The following DDX47 variants were observed in gnomAD, a reference collection of about 807,000 sequenced individuals.
The protein encoded by DDX47 is DEAD-box helicase 47.
Under a neutral mutation model 58.8 loss-of-function variants are expected in DDX47, and 60 were observed. The observed-to-expected ratio is 1.02, with a 90% CI of 0.83 to 1.26. DDX47 has a LOEUF of 1.26. Among genes scored for constraint, DDX47 ranks in the 50% most tolerant of loss-of-function variants. DDX47 has a pLI of 0.00. For missense variants in DDX47, 530 were observed against 573.2 expected, an observed-to-expected ratio of 0.92 and a Z score of 0.77; for synonymous variants, 197 against 204.6, an observed-to-expected ratio of 0.96 and a Z score of 0.32.
Position 12,829,439 on chromosome 12 carries a change from G to T in DDX47, c.1253G>T (p.Gly418Val). The stretch of plus-strand genomic sequence containing the variant: ...TTCTTGCAGGAGTTAAGGGAGCATG[G>T]AGAAAAGAAGAAACGCTCGCGAGAG... The part of the protein sequence containing the change: ...RFARMELREH[G>V]EKKKRSREDA... Residue 418 changes from glycine to valine, a missense_variant, in exon 12 of 12, where the codon GGA (glycine) becomes GTA (valine). Gly to Val is a moderately radical substitution (Grantham distance 109, BLOSUM62 -3). Coordinates refer to ENST00000358007, the MANE Select transcript of DDX47 (RefSeq NM_016355.4). The T allele has an allele frequency of 6.2e-7, 1 of 1,612,360 alleles. No homozygotes were observed. Among genetic ancestry groups the T allele is most frequent in the Non-Finnish European group, 8.5e-7 (1 of 1,179,390 alleles).
At chr12:12,823,123 G>T (rs1807649554) in intron 6 of DDX47, 80 bp from the exon 7 acceptor site, 1 of 900,566 alleles carries the variant, frequency 1.1e-6, no homozygotes, top group Admixed American at 1.8e-5. Flanking sequence ...TGAGATTTGG[G>T]TGAGGACACA....
intron 7 of DDX47, 175 bp downstream of exon 7, chr12:12,823,494 TTCACAACACATTAA>T: frequency 1.7e-6 from 1 of 600,948 alleles, no homozygotes; most frequent in Non-Finnish European, 3.0e-6. Flanking sequence ...ATGCCAGGAA[TTCACAACACATTAA>T]ATCACAATAC....
chr12:12,813,440 A>G lies in DDX47; in HGVS notation c.73A>G (p.Thr25Ala). The change falls in exon 1 of 12, where the codon ACA becomes GCA. Residue 25 changes from threonine to alanine, a missense_variant. Physicochemically the swap from Thr to Ala is moderately conservative, Grantham distance 58. Transcript: ENST00000358007. ...GATTGTGGAAGAGGAGGAAACTAAA[A>G]CATTTAAAGACCTGGTGAGAATGGA... ...QPIVEEEETK[T>A]FKDLGVTDVL... The G allele has an allele frequency of 6.2e-7, 1 of 1,610,942 alleles. No homozygotes were observed. The highest frequency in any genetic ancestry group is 8.5e-7 in the Non-Finnish European group (1 of 1,178,538).
chr12:12,821,585 T>A, intron 3 of DDX47, 70 bp from the exon 4 acceptor site: 2 of 1,515,900 alleles, frequency 1.3e-6, no homozygotes, highest in Non-Finnish European at 1.8e-6. Flanking sequence ...TGGCATTGGC[T>A]TTAAAAGATG....
intron 11 of DDX47, among the ~76,000 whole-genome samples, chr12:12,828,040 T>A (rs1481002085): frequency 6.6e-6 from 1 of 151,992 alleles, no homozygotes. Context: ...TAATTTTGTA[T>A]TTTTAGTAGA....
At chr12:12,816,807 G>A (rs529961815) in intron 2 of DDX47, among the ~76,000 whole-genome samples, 1 of 152,326 alleles carries the variant, frequency 6.6e-6, no homozygotes, top group South Asian at 2.1e-4. Context: ...ACTATCAGCG[G>A]CCCAGTGTTA....
At chr12:12,822,800 A>G (rs532427679) in intron 6 of DDX47, 68 bp downstream of exon 6, 57 of 1,332,348 alleles carry the variant, frequency 4.3e-5, no homozygotes, top group Non-Finnish European at 5.3e-5. Context: ...AGTAATAACA[A>G]TAAGGAAAAA....
At chr12:12,828,491 T>TGTAA (rs1440060655) in intron 11 of DDX47, among the ~76,000 whole-genome samples, 1 of 152,204 alleles carries the variant, frequency 6.6e-6, no homozygotes, top group Non-Finnish European at 1.5e-5. Flanking sequence ...ATACTCACCC[T>TGTAA]GTAAGTAGTA....
At chr12:12,813,653 C>G in intron 1 of DDX47, 199 bp downstream of exon 1, 1 of 602,804 alleles carries the variant, frequency 1.7e-6, no homozygotes, top group Non-Finnish European at 2.9e-6. Context: ...CCTGAGACCC[C>G]CTATTTGCCC....
In DDX47 at chr12:12,829,541, G is replaced by A. The variant is rs180857936; in HGVS notation, c.1355G>A (p.Arg452Gln). 8.1e-5 allele frequency: 130 copies of A among 1,613,604 alleles called. No homozygotes were observed. The East Asian group carries it at 2.6e-3, about 32-fold the overall frequency. The change falls in exon 12 of 12, where the codon CGG becomes CAG. Residue 452 changes from arginine (R) to glutamine (Q), a missense_variant. By Grantham distance (43) the Arg-to-Gln change is conservative (BLOSUM62 1). Coordinates refer to ENST00000358007, the MANE Select transcript of DDX47 (RefSeq NM_016355.4). ...NKVAGGKMKK[R>Q]KGR ...GTGGCTGGAGGAAAAATGAAGAAGCGGAAAGGCCGTTAATCACTTTTATGA... is the reference window on the plus strand; with the variant it reads ...GTGGCTGGAGGAAAAATGAAGAAGCAGAAAGGCCGTTAATCACTTTTATGA...
At chr12:12,817,254 C>T (rs73285349) in intron 2 of DDX47, among the ~76,000 whole-genome samples, 3,844 of 152,162 alleles carry the variant, frequency 0.025, 165 homozygotes, top group African/African-American at 0.087. Context: ...ATGGTAGTTA[C>T]GGATAATTAT....
chr12:12,821,665 A>C lies in DDX47; in HGVS notation c.381A>C (p.Val127=). The change falls in exon 4 of 12, where the codon GTA becomes GTC. Residue 127 remains valine, a synonymous_variant. Coordinates refer to ENST00000358007, the MANE Select transcript of DDX47 (RefSeq NM_016355.4). ...SSIGVQSAVI[V]GGIDSMSQSL... is the part of the protein sequence containing the mutation. ...TTTTTTTCTCTGTAGCTGTGATTGTAGGTGGAATTGATTCAATGTCTCAAT... is the reference window on the plus strand; with the variant it reads ...TTTTTTTCTCTGTAGCTGTGATTGTCGGTGGAATTGATTCAATGTCTCAAT... 1 of 1,613,934 alleles carries C rather than the reference A, an allele frequency of 6.2e-7. No individual in the cohort carries two copies. Among genetic ancestry groups the C allele is most frequent in the African/African-American group, 1.3e-5 (1 of 75,034 alleles).
At chr12:12,821,800 A>G in intron 4 of DDX47, 74 bp downstream of exon 4, 1 of 1,338,978 alleles carries the variant, frequency 7.5e-7, no homozygotes, top group Non-Finnish European at 1.1e-6. Context: ...GGATAGAAAG[A>G]CTTTGAGAAA....
In DDX47 at chr12:12,823,185, T is replaced by C; in HGVS notation, c.634-18T>C. 6.6e-7 allele frequency: 1 copy of C among 1,526,352 alleles called. No homozygotes were observed. Among genetic ancestry groups the C allele is most frequent in the Non-Finnish European group, 9.1e-7 (1 of 1,099,956 alleles). 94.6% of individuals were successfully genotyped at this position (1,526,352 alleles called of 1,614,324 possible). ...GTGTTTAGGCATCAGTGTGCTATTC[T>C]GGATCTTCTTCCTTCAGGTTCAAAA... is the stretch of plus-strand genomic sequence containing the variant. On this transcript the variant is annotated intron_variant, in intron 6 of 11. Transcript: ENST00000358007.
At chr12:12,824,392 C>A in intron 8 of DDX47, 148 bp from the exon 9 acceptor site, 1 of 738,766 alleles carries the variant, frequency 1.4e-6, no homozygotes, top group Non-Finnish European at 2.1e-6. Flanking sequence ...TTCCATATTT[C>A]TGTTTTGACC....
At chr12:12,826,965 C>T (rs1265779290) in intron 10 of DDX47, among the ~76,000 whole-genome samples, 2 of 152,046 alleles carry the variant, frequency 1.3e-5, no homozygotes, top group Non-Finnish European at 2.9e-5. Flanking sequence ...CTGTGTTGTC[C>T]AGGCTGGTCT....
In DDX47 at chr12:12,829,759, C is replaced by G. The variant is rs111243180; in HGVS notation, c.*205C>G. On this transcript the variant is annotated 3_prime_UTR_variant, in exon 12 of 12. Transcript: ENST00000358007. The stretch of plus-strand genomic sequence containing the variant: ...TGATGTCAAGACTGTTACTGTTCTT[C>G]GACTTTGATTCCTTGCTCATGACAT... 2.0e-6 allele frequency: 1 copy of G among 490,416 alleles called. No individual in the cohort carries two copies. Among genetic ancestry groups the G allele is most frequent in the Non-Finnish European group, 3.4e-6 (1 of 292,996 alleles). 30.4% of individuals were successfully genotyped at this position (490,416 alleles called of 1,614,324 possible).
chr12:12,816,715 A>G (rs1399206146), intron 2 of DDX47, among the ~76,000 whole-genome samples: 1 of 152,246 alleles, frequency 6.6e-6, no homozygotes, highest in Non-Finnish European at 1.5e-5. Flanking sequence ...AAACTGTTTC[A>G]AGGAGGGATT....
intron 6 of DDX47, among the ~76,000 whole-genome samples, 174 bp from the exon 7 acceptor site, chr12:12,823,028 GA>G (rs1862995377): frequency 6.6e-6 from 1 of 152,200 alleles, no homozygotes; most frequent in South Asian, 2.1e-4. Flanking sequence ...ACTATCATGA[GA>G]ACCGCAATGG....
Sources: gnomAD v4.1 joint callset for allele counts (sites outside exome capture counted in the v4.1 genomes callset) on GRCh38, gnomAD v4.1.1 for gene constraint, MANE v1.5 for transcripts, NCBI Gene and HGNC (gene_info 2026-07-23, HGNC 2026-07-21) for gene names.